Variants in RIPK1 observed in about 807,000 individuals in gnomAD.
The protein encoded by RIPK1 is receptor-interacting serine/threonine-protein kinase 1.
Under a neutral mutation model 62.4 loss-of-function variants are expected in RIPK1, and 27 were observed. The observed-to-expected ratio is 0.43, with a 90% confidence interval of 0.32 to 0.60. The LOEUF (loss-of-function observed/expected upper bound fraction) is 0.60, where lower values mean the gene tolerates loss of function less well. Ranked by LOEUF, RIPK1 falls within the 20% of genes least tolerant of loss-of-function variation. The pLI is 0.07. For missense variants in RIPK1, 735 were observed against 831.0 expected, an observed-to-expected ratio of 0.88 and a Z score of 1.42; for synonymous variants, 287 against 303.2, an observed-to-expected ratio of 0.95 and a Z score of 0.55.
intron 7 of RIPK1, among the ~76,000 whole-genome samples, chr6:3,094,714 GTAAC>G (rs1304693482): frequency 2.0e-5 from 3 of 151,864 alleles, no homozygotes; most frequent in Admixed American, 6.6e-5. Flanking sequence ...GCCGCAGAAA[GTAAC>G]TAACAGCGGA....
In RIPK1 at chr6:3,068,616, G is replaced by C. The variant is rs1462584333; in HGVS notation, c.-106G>C. The C allele has an allele frequency of 1.0e-5, 10 of 985,212 alleles. No homozygotes were observed. The highest frequency in any genetic ancestry group is 4.7e-5 in the South Asian group (1 of 21,294). The allele number at this position is 985,212 out of a possible 1,614,324, so 61.0% of individuals were successfully genotyped here. On this transcript the variant is annotated 5_prime_UTR_variant, in exon 1 of 11. Transcript: ENST00000259808. ...CGGCCATCCGGGCGGGGCCGACGGA[G>C]CGCGGCAGGACTTGGCTGGACGGCG...
At chr6:3,084,138 A>G (rs1759565743) in intron 5 of RIPK1, among the ~76,000 whole-genome samples, 1 of 151,496 alleles carries the variant, frequency 6.6e-6, no homozygotes, top group Non-Finnish European at 1.5e-5. Flanking sequence ...CTCTGTCTCC[A>G]CTGGCCTCTG....
chr6:3,086,568 C>T (rs1472288053), intron 6 of RIPK1, among the ~76,000 whole-genome samples: 1 of 152,214 alleles, frequency 6.6e-6, no homozygotes, highest in Non-Finnish European at 1.5e-5. Context: ...AAACATTTTA[C>T]TTACGTCTCC....
In RIPK1 at chr6:3,105,744, A is replaced by G; in HGVS notation, c.1269A>G (p.Gln423=). 6.2e-7 allele frequency: 1 copy of G among 1,614,250 alleles called. No individual in the cohort carries two copies. Among genetic ancestry groups the G allele is most frequent in the Non-Finnish European group, 8.5e-7 (1 of 1,180,042 alleles). The change falls in exon 9 of 11, where the codon CAA becomes CAG. Residue 423 remains glutamine (Q), a synonymous_variant. Coordinates refer to ENST00000259808, the MANE Select transcript of RIPK1 (RefSeq NM_001354930.2). This position sits in a 1 kb window ranked among gnomAD's most constrained non-coding sequence, Gnocchi z 4.5. ...RRVSHDPFAQ[Q]RPYENFQNTE... Reference sequence around the variant, plus strand: ...TCTCCCATGACCCTTTTGCACAGCAAAGACCTTACGAGAATTTTCAGAATA... The same window carrying G: ...TCTCCCATGACCCTTTTGCACAGCAGAGACCTTACGAGAATTTTCAGAATA...
chr6:3,096,781 G>A (rs1361285722), intron 7 of RIPK1, among the ~76,000 whole-genome samples: 5 of 150,352 alleles, frequency 3.3e-5, no homozygotes, highest in Admixed American at 6.6e-5. Context: ...AGATGGTCTC[G>A]ATCTCCCGAC....
At chr6:3,099,814 A>C (rs1256402906) in intron 7 of RIPK1, among the ~76,000 whole-genome samples, 2 of 152,340 alleles carry the variant, frequency 1.3e-5, no homozygotes, top group South Asian at 2.1e-4. Context: ...GAGGCACCCA[A>C]CAAACTCCAC....
chr6:3,075,976 C>T (rs1759028160), intron 1 of RIPK1, among the ~76,000 whole-genome samples: 1 of 151,890 alleles, frequency 6.6e-6, no homozygotes, highest in Admixed American at 6.6e-5. Flanking sequence ...GGGGATTCTT[C>T]ATTCTACCTT....
chr6:3,065,849 C>A (rs1581364389), upstream of RIPK1, among the ~76,000 whole-genome samples: 2 of 152,160 alleles, frequency 1.3e-5, no homozygotes, highest in South Asian at 4.1e-4. Flanking sequence ...ATGGCTTTTG[C>A]TGGGAGTAAT....
intron 6 of RIPK1, among the ~76,000 whole-genome samples, chr6:3,087,904 T>G (rs1283822908): frequency 6.6e-6 from 1 of 152,226 alleles, no homozygotes; most frequent in Admixed American, 6.5e-5. Context: ...TCTCCCCTTT[T>G]TTGCTGAGAC....
intron 4 of RIPK1, 106 bp downstream of exon 4, chr6:3,081,222 C>T: frequency 2.4e-6 from 3 of 1,271,972 alleles, no homozygotes; most frequent in Non-Finnish European, 2.2e-6. Flanking sequence ...AGACCTAGCT[C>T]AGCTTATAAC....
chr6:3,068,799 C>A, intron 1 of RIPK1, 138 bp downstream of exon 1: 2 of 350,282 alleles, frequency 5.7e-6, no homozygotes, highest in South Asian at 2.3e-4. Context: ...AATCCCCAAC[C>A]CTCCGCCGCC....
upstream of RIPK1, among the ~76,000 whole-genome samples, chr6:3,065,313 G>T (rs1341747116): frequency 4.7e-5 from 7 of 149,606 alleles, no homozygotes; most frequent in Non-Finnish European, 1.0e-4. Flanking sequence ...CTGAGGTGCC[G>T]TGCGGCTGTG....
chr6:3,081,539 A>G (rs2113598570), intron 4 of RIPK1, among the ~76,000 whole-genome samples: 1 of 152,216 alleles, frequency 6.6e-6, no homozygotes, highest in South Asian at 2.1e-4. Context: ...GTGTGCGGAA[A>G]ATCCTTAGAG....
At chr6:3,108,563 C>T (rs961099719) in intron 9 of RIPK1, among the ~76,000 whole-genome samples, 8 of 152,050 alleles carry the variant, frequency 5.3e-5, no homozygotes, top group Non-Finnish European at 8.8e-5. Flanking sequence ...AGGTGGTGGG[C>T]CAGGAGGATT....
At chr6:3,095,306 TAAAAA>T (rs1185368779) in intron 7 of RIPK1, among the ~76,000 whole-genome samples, 1 of 152,014 alleles carries the variant, frequency 6.6e-6, no homozygotes, top group African/African-American at 2.4e-5. Flanking sequence ...GAAGCAGTGA[TAAAAA>T]AAGAAAACTT....
intron 1 of RIPK1, among the ~76,000 whole-genome samples, chr6:3,071,888 C>G (rs1307808741): frequency 6.6e-6 from 1 of 152,156 alleles, no homozygotes; most frequent in Admixed American, 6.5e-5. Context: ...AGAAGAGATA[C>G]CAAATAGGAC....
At chr6:3,084,605 T>TTTTC (rs1198118799) in intron 5 of RIPK1, among the ~76,000 whole-genome samples, 1 of 150,914 alleles carries the variant, frequency 6.6e-6, no homozygotes, top group Non-Finnish European at 1.5e-5. Flanking sequence ...TTTTTTTTTT[T>TTTTC]TTCCCGTGAG....
At chr6:3,089,790 G>A in intron 7 of RIPK1, 133 bp downstream of exon 7, 1 of 613,470 alleles carries the variant, frequency 1.6e-6, no homozygotes, top group Non-Finnish European at 2.9e-6. Context: ...AACAAAATGA[G>A]CAATTGTCTG....
intron 6 of RIPK1, among the ~76,000 whole-genome samples, chr6:3,086,492 T>C (rs1055415237): frequency 6.6e-6 from 1 of 152,230 alleles, no homozygotes. Context: ...ACAAATTTAT[T>C]TGAGTATTCC....
Sources: allele counts gnomAD v4.1 joint callset (sites outside exome capture counted in the v4.1 genomes callset), GRCh38; gene constraint gnomAD v4.1.1; non-coding constraint Gnocchi (gnomAD v3.1); transcripts MANE v1.5; gene names NCBI Gene and HGNC (gene_info 2026-07-23, HGNC 2026-07-21).